TXLNB: variants seen among roughly 807,000 people sequenced by gnomAD.
The protein encoded by TXLNB is taxilin beta.
In TXLNB, 37 loss-of-function variants were observed where a neutral mutation model predicts 57.4. The ratio of observed to expected loss-of-function variants is 0.64; its 90% CI spans 0.50 to 0.85. The LOEUF (loss-of-function observed/expected upper bound fraction) is 0.85. Among genes scored for constraint, TXLNB ranks in the 40% least tolerant of loss-of-function variants. TXLNB has a pLI of 0.00. For missense variants in TXLNB, 848 were observed against 825.6 expected (o/e 1.03, Z -0.33); for synonymous variants, 302 against 309.6 (o/e 0.98, Z 0.26).
chr6:139,280,221 C>T lies in TXLNB; in HGVS notation c.425-3300G>A, dbSNP rs145745122. On this transcript the variant is annotated intron_variant, in intron 2 of 9. Coordinates refer to ENST00000358430, the MANE Select transcript of TXLNB (RefSeq NM_153235.4). ...GAGCCGAGACTGTACCACTGCACTC[C>T]GGCCTGGCAACAGAGCAAGACTCTC... Among the ~76,000 whole-genome samples the T allele has an allele frequency of 3.8e-4, 55 of 146,416 alleles. 1 individual carries two copies. Among genetic ancestry groups the T allele is most frequent in the Admixed American group, 2.3e-3 (34 of 14,520 alleles).
the TXLNB span, among the ~76,000 whole-genome samples, chr6:139,194,562 G>A: frequency 2.0e-5 from 3 of 152,072 alleles, no homozygotes; most frequent in Admixed American, 1.3e-4. Context: ...TATCAATTCA[G>A]TCACCAAAAT....
At chr6:139,292,047 T>TAC (rs139086968), upstream of TXLNB, 636 of 150,642 alleles carry the variant, frequency 4.2e-3, 10 homozygotes, top group Admixed American at 0.026. This position sits in a 1 kb window ranked among gnomAD's most constrained non-coding sequence, Gnocchi z 4.0. Flanking sequence ...AGAAACCCAA[T>TAC]ACACACACAC....
chr6:139,238,306 C>T (rs1306281951), downstream of TXLNB, among the ~76,000 whole-genome samples: 4 of 152,116 alleles, frequency 2.6e-5, no homozygotes, highest in East Asian at 7.7e-4. Context: ...AGGCACGAGA[C>T]TGGCTTAAAC....
the TXLNB span, among the ~76,000 whole-genome samples, chr6:139,210,384 C>T: frequency 6.6e-6 from 1 of 152,190 alleles, no homozygotes; most frequent in East Asian, 1.9e-4. Flanking sequence ...GAAAAGAATT[C>T]ATTTTATTAA....
the TXLNB span, among the ~76,000 whole-genome samples, chr6:139,315,175 C>T: frequency 6.6e-6 from 1 of 152,252 alleles, no homozygotes; most frequent in African/African-American, 2.4e-5. Context: ...GAGAAAACCT[C>T]ATTTTGACCC....
chr6:139,291,729 T>C (rs960411772), intron 1 of TXLNB, among the ~76,000 whole-genome samples, 192 bp downstream of exon 1: 19 of 152,222 alleles, frequency 1.2e-4, no homozygotes, highest in African/African-American at 4.6e-4. Flanking sequence ...GAGAGAACTT[T>C]TCACTTGTGT....
chr6:139,247,532 CTTTTTTTTTTTTTTTT>C (rs61368061), intron 8 of TXLNB, among the ~76,000 whole-genome samples: 5 of 63,094 alleles, frequency 7.9e-5, no homozygotes, highest in Admixed American at 7.2e-4. Context: ...CTCTGGTCTT[CTTTTTTTTTTTTTTTT>C]TTTTTTTTAA....
intron 2 of TXLNB, among the ~76,000 whole-genome samples, chr6:139,278,467 C>G (rs529424186): frequency 6.6e-6 from 1 of 152,288 alleles, no homozygotes; most frequent in Admixed American, 6.5e-5. Flanking sequence ...TAATCACTGA[C>G]GCCTCGCCCC....
chr6:139,254,411 G>A (rs1776283630), intron 7 of TXLNB, among the ~76,000 whole-genome samples: 3 of 152,038 alleles, frequency 2.0e-5, no homozygotes, highest in Admixed American at 2.0e-4. Flanking sequence ...TGCCCAGCTT[G>A]GAAGGTTTCT....
At chr6:139,179,942 T>C in the TXLNB span, 2 of 152,242 alleles carry the variant, frequency 1.3e-5, no homozygotes, top group African/African-American at 4.8e-5. Context: ...TTAAGAGTTT[T>C]ATACCTTGAG....
At chr6:139,232,119 T>G in the TXLNB span, among the ~76,000 whole-genome samples, 106,907 of 152,002 alleles carry the variant, frequency 0.7, 38,339 homozygotes, top group East Asian at 0.81. Flanking sequence ...AGGTTTAATG[T>G]ACTCACAGTT....
At chr6:139,245,572 G>A (rs150140101) in intron 8 of TXLNB, 2 of 152,326 alleles carry the variant, frequency 1.3e-5, no homozygotes, top group Non-Finnish European at 2.9e-5. Flanking sequence ...GCTGCCTGAA[G>A]CTGGGTACCC....
chr6:139,322,334 G>A, the TXLNB span, among the ~76,000 whole-genome samples: 4 of 152,178 alleles, frequency 2.6e-5, no homozygotes, highest in African/African-American at 7.2e-5. Context: ...AAGGTAGAAG[G>A]GCAAGGGTTG....
At chr6:139,188,413 A>G in the TXLNB span, among the ~76,000 whole-genome samples, 2 of 152,224 alleles carry the variant, frequency 1.3e-5, no homozygotes, top group South Asian at 2.1e-4. Context: ...ACCTGTGCTC[A>G]AAAACCTATT....
chr6:139,296,452 C>G (rs1424806486), upstream of TXLNB, among the ~76,000 whole-genome samples: 1 of 151,992 alleles, frequency 6.6e-6, no homozygotes, highest in Non-Finnish European at 1.5e-5. Context: ...TCTCTAGAAC[C>G]ATTTGGCATC....
the TXLNB span, among the ~76,000 whole-genome samples, chr6:139,209,812 G>T: frequency 6.6e-6 from 1 of 152,106 alleles, no homozygotes; most frequent in Non-Finnish European, 1.5e-5. Context: ...CATAGACAAA[G>T]AATTCATGAC....
the TXLNB span, among the ~76,000 whole-genome samples, chr6:139,226,497 G>C: frequency 1.5e-4 from 23 of 152,020 alleles, no homozygotes; most frequent in African/African-American, 5.3e-4. Context: ...AGTATATTAA[G>C]AGAATAAAAA....
chr6:139,217,232 A>G, the TXLNB span, among the ~76,000 whole-genome samples: 2 of 152,108 alleles, frequency 1.3e-5, no homozygotes, highest in Non-Finnish European at 2.9e-5. Context: ...GCGCTTACAC[A>G]TTTAGTACTT....
chr6:139,160,647 G>T, the TXLNB span, among the ~76,000 whole-genome samples: 1 of 152,066 alleles, frequency 6.6e-6, no homozygotes, highest in Admixed American at 6.6e-5. Flanking sequence ...ACTCCTGGCC[G>T]CAAGTGATTC....
Sources: gnomAD v4.1 joint callset for allele counts (sites outside exome capture counted in the v4.1 genomes callset) on GRCh38, gnomAD v4.1.1 for gene constraint, Gnocchi (gnomAD v3.1) non-coding constraint, MANE v1.5 for transcripts, NCBI Gene and HGNC (gene_info 2026-07-23, HGNC 2026-07-21) for gene names.